FOXP1: variants seen among roughly 807,000 people sequenced by gnomAD.
The protein encoded by FOXP1 is forkhead box P1, also known as forkhead box protein P1.
A neutral mutation model predicts 98.2 loss-of-function variants in FOXP1; 15 were observed. The ratio of observed to expected loss-of-function variants is 0.15; its 90% CI spans 0.10 to 0.24. FOXP1 has a LOEUF of 0.24. Ranked by LOEUF, FOXP1 falls within the 10% of genes least tolerant of loss-of-function variation. The pLI is 1.00. For missense variants in FOXP1, 633 were observed against 848.5 expected (o/e 0.75, Z 3.15); for synonymous variants, 371 against 314.5 (o/e 1.18, Z -1.90).
intron 7 of FOXP1, among the ~76,000 whole-genome samples, chr3:71,074,301 C>T (rs2053577217): frequency 6.6e-6 from 1 of 152,114 alleles, no homozygotes; most frequent in Non-Finnish European, 1.5e-5. Context: ...AATCTTGGCT[C>T]ACTGCAACTT....
chr3:71,492,208 T>C (rs1005433104), intron 3 of FOXP1, among the ~76,000 whole-genome samples: 6 of 152,082 alleles, frequency 3.9e-5, no homozygotes, highest in African/African-American at 1.4e-4. Context: ...TCCCAGCACT[T>C]TAGGAGGCTG....
At chr3:71,537,351 G>A (rs769883684) in intron 2 of FOXP1, among the ~76,000 whole-genome samples, 3 of 152,342 alleles carry the variant, frequency 2.0e-5, no homozygotes, top group East Asian at 3.9e-4. Context: ...CAAGGTGGTG[G>A]ATTTGTTTTT....
At chr3:71,488,323 A>C (rs2090816015) in intron 3 of FOXP1, among the ~76,000 whole-genome samples, 1 of 152,222 alleles carries the variant, frequency 6.6e-6, no homozygotes, top group Non-Finnish European at 1.5e-5. Context: ...GGAATAATTC[A>C]TTAGTTTGTC....
intron 3 of FOXP1, among the ~76,000 whole-genome samples, chr3:71,422,643 A>ATTT (rs1349951050): frequency 1.3e-5 from 2 of 152,254 alleles, no homozygotes; most frequent in East Asian, 3.8e-4. Flanking sequence ...AGAAAGCCAA[A>ATTT]AAGAATAATC....
intron 3 of FOXP1, among the ~76,000 whole-genome samples, chr3:71,392,838 T>C (rs935762895): frequency 6.6e-6 from 1 of 152,182 alleles, no homozygotes; most frequent in African/African-American, 2.4e-5. Flanking sequence ...AATAACTCTT[T>C]CCAAGAAGAA....
At chr3:71,363,221 T>C (rs2078694187) in intron 3 of FOXP1, among the ~76,000 whole-genome samples, 1 of 152,236 alleles carries the variant, frequency 6.6e-6, no homozygotes, top group Admixed American at 6.5e-5. Context: ...TAATTCATTG[T>C]AAAATGTGCA....
At chr3:71,194,746 C>T (rs2063201404) in intron 6 of FOXP1, among the ~76,000 whole-genome samples, 1 of 152,108 alleles carries the variant, frequency 6.6e-6, no homozygotes, top group African/African-American at 2.4e-5. Context: ...AATTACTCAA[C>T]AGATAAAAGA....
intron 3 of FOXP1, among the ~76,000 whole-genome samples, chr3:71,420,953 T>C (rs780881140): frequency 6.6e-6 from 1 of 152,170 alleles, no homozygotes; most frequent in Non-Finnish European, 1.5e-5. Flanking sequence ...CCATGTCTGG[T>C]GAGCCCTATG....
intron 10 of FOXP1, among the ~76,000 whole-genome samples, 193 bp from the exon 11 acceptor site, chr3:71,041,725 G>A (rs770850819): frequency 4.6e-5 from 7 of 152,028 alleles, no homozygotes; most frequent in Non-Finnish European, 5.9e-5. Context: ...GCAACTGAGT[G>A]GAAGTTGCCC....
At chr3:71,021,267 C>T (rs549226924) in intron 11 of FOXP1, among the ~76,000 whole-genome samples, 1 of 152,280 alleles carries the variant, frequency 6.6e-6, no homozygotes, top group African/African-American at 2.4e-5. Flanking sequence ...CTATTTTGGA[C>T]ATTTCACATC....
At chr3:71,305,113 T>G (rs2074167132) in intron 4 of FOXP1, among the ~76,000 whole-genome samples, 1 of 151,968 alleles carries the variant, frequency 6.6e-6, no homozygotes, top group Admixed American at 6.6e-5. Context: ...TTTCTCTGAG[T>G]CTGTTTTTAA....
intron 7 of FOXP1, among the ~76,000 whole-genome samples, chr3:71,091,129 G>GTGTGTGTGTGTGTATGTA (rs3064142): frequency 7.4e-5 from 9 of 122,290 alleles, no homozygotes; most frequent in South Asian, 3.4e-4. Context: ...GTGTGTGTGT[G>GTGTGTGTGTGTGTATGTA]TGTATTCTTA....
intron 14 of FOXP1, among the ~76,000 whole-genome samples, chr3:70,980,743 G>T (rs1177602841): frequency 6.6e-6 from 1 of 152,188 alleles, no homozygotes; most frequent in East Asian, 1.9e-4. Flanking sequence ...ATATAAGGCA[G>T]TTACTCCTAC....
intron 5 of FOXP1, among the ~76,000 whole-genome samples, chr3:71,222,396 C>G (rs529882321): frequency 6.6e-6 from 1 of 152,182 alleles, no homozygotes; most frequent in South Asian, 2.1e-4. Flanking sequence ...TTCAAAAACC[C>G]TTCACTCCCT....
chr3:71,441,120 A>T (rs1359001345), intron 3 of FOXP1, among the ~76,000 whole-genome samples: 1 of 152,230 alleles, frequency 6.6e-6, no homozygotes, highest in Non-Finnish European at 1.5e-5. Context: ...ATTTTGTTCC[A>T]TATTTTAGAT....
chr3:71,254,060 G>A (rs561140358), intron 5 of FOXP1, among the ~76,000 whole-genome samples: 49 of 152,166 alleles, frequency 3.2e-4, no homozygotes, highest in Middle Eastern at 3.4e-3. Context: ...GTTTTCTAGG[G>A]GTGAACAGTT....
chr3:71,408,361 G>T (rs2082494541), intron 3 of FOXP1, among the ~76,000 whole-genome samples: 1 of 152,120 alleles, frequency 6.6e-6, no homozygotes, highest in African/African-American at 2.4e-5. Flanking sequence ...GGATGGTTTT[G>T]AAAAATAATT....
chr3:71,384,969 C>A (rs2080457562), intron 3 of FOXP1, among the ~76,000 whole-genome samples: 1 of 152,152 alleles, frequency 6.6e-6, no homozygotes, highest in South Asian at 2.1e-4. Context: ...ATCAACAACA[C>A]AAAACAGACT....
At chr3:71,240,544 T>C (rs2067170893) in intron 5 of FOXP1, among the ~76,000 whole-genome samples, 1 of 59,362 alleles carries the variant, frequency 1.7e-5, no homozygotes, top group South Asian at 4.7e-4. Context: ...AGAATTGTGT[T>C]TTTTTATTTT....
Sources: gnomAD v4.1 joint callset for allele counts (sites outside exome capture counted in the v4.1 genomes callset) on GRCh38, gnomAD v4.1.1 for gene constraint, MANE v1.5 for transcripts, NCBI Gene and HGNC (gene_info 2026-07-23, HGNC 2026-07-21) for gene names.